Variants in VPS13C observed in about 807,000 individuals in gnomAD.
VPS13C encodes the protein vacuolar protein sorting 13 homolog C.
In VPS13C, 358 loss-of-function variants were observed where a neutral mutation model predicts 456.8. The observed-to-expected ratio is 0.78, with a 90% CI of 0.72 to 0.86. The LOEUF (loss-of-function observed/expected upper bound fraction) is 0.86. Ranked by LOEUF, VPS13C falls within the 40% of genes least tolerant of loss-of-function variation. The pLI is 0.00. For missense variants in VPS13C, 4,818 were observed against 4,385.4 expected, an observed-to-expected ratio of 1.10 and a Z score of -2.79; for synonymous variants, 1,578 against 1,486.7, an observed-to-expected ratio of 1.06 and a Z score of -1.41.
At chr15:61,945,284 ATAAG>A (rs1316680662) in intron 45 of VPS13C, among the ~76,000 whole-genome samples, 1 of 152,228 alleles carries the variant, frequency 6.6e-6, no homozygotes, top group Non-Finnish European at 1.5e-5. Flanking sequence ...TTACATGGAA[ATAAG>A]TAATAAAAAG....
rs1318377865 is a variant in VPS13C, at chr15:61,950,863, A to G, written c.4536+82T>C. On this transcript the variant is annotated intron_variant, in intron 40 of 84. Coordinates refer to ENST00000644861, the MANE Select transcript of VPS13C (RefSeq NM_020821.3). ...AGTTTAGGTAGAAAAATGTTGGGAG[A>G]GAAAATGAGAATATTAAATATAAGG... is the stretch of plus-strand genomic sequence containing the variant. 9 of 930,074 alleles carry G rather than the reference A, an allele frequency of 9.7e-6. No homozygotes were observed. In the East Asian group the frequency reaches 2.5e-4, roughly 26 times the overall value. The allele number at this position is 930,074 out of a possible 1,614,324, so 57.6% of individuals were successfully genotyped here.
In VPS13C at chr15:61,915,795, G is replaced by A. The variant is rs1167555404; in HGVS notation, c.8283C>T (p.Gly2761=). Residue 2761 remains glycine (G), a synonymous_variant, in exon 61 of 85, where the codon GGC becomes GGT. Transcript: ENST00000644861. ...TAAAGACAGACAGCACCATCCGGCT[G>A]CCAATTCTCCTGACGTGGACTGACA... ...VDLSVHVRRI[G]SRMVLSVFSP... The A allele has an allele frequency of 1.2e-6, 2 of 1,613,962 alleles. No individual in the cohort carries two copies. The highest frequency in any genetic ancestry group is 1.7e-6 in the Non-Finnish European group (2 of 1,180,030).
At chr15:62,037,520 TAATA>T (rs1299734967) in intron 3 of VPS13C, among the ~76,000 whole-genome samples, 1 of 132,384 alleles carries the variant, frequency 7.6e-6, no homozygotes, top group Non-Finnish European at 1.5e-5. Flanking sequence ...TGTAAGAATA[TAATA>T]AATAATGCAA....
chr15:61,964,577 A>T (rs1443893698), intron 31 of VPS13C, 122 bp downstream of exon 31: 3 of 940,394 alleles, frequency 3.2e-6, no homozygotes, highest in African/African-American at 1.7e-5. Context: ...CATATAATTT[A>T]ATTTGAAGAA....
intron 51 of VPS13C, among the ~76,000 whole-genome samples, chr15:61,928,613 A>G (rs1323374575): frequency 6.6e-6 from 1 of 152,186 alleles, no homozygotes; most frequent in African/African-American, 2.4e-5. Context: ...ATCTGGCAGG[A>G]GCAAGGTGTA....
chr15:62,042,180 G>A (rs1225488624), intron 2 of VPS13C, among the ~76,000 whole-genome samples: 2 of 152,110 alleles, frequency 1.3e-5, no homozygotes, highest in Admixed American at 1.3e-4. Flanking sequence ...GTTTAGATAA[G>A]TTACAGAGAG....
Position 61,921,984 on chromosome 15 carries a change from C to T in VPS13C, c.7025G>A (p.Arg2342Lys). ...ATTCCATTGTCTCTTCCCCTCCACT[C>T]TCTCAATCAGTGGCTCCCAGACAGC... ...IHAVWEPLIE[R>K]VEGKRQWNLR... Residue 2342 changes from arginine (R) to lysine (K), a missense_variant, in exon 55 of 85, where the codon AGA (arginine) becomes AAA (lysine). Arg to Lys is a conservative substitution (Grantham distance 26). Coordinates refer to ENST00000644861, the MANE Select transcript of VPS13C (RefSeq NM_020821.3). The T allele has an allele frequency of 6.2e-7, 1 of 1,613,658 alleles. No individual in the cohort carries two copies. Among genetic ancestry groups the T allele is most frequent in the Non-Finnish European group, 8.5e-7 (1 of 1,179,684 alleles).
intron 66 of VPS13C, chr15:61,906,945 T>C: frequency 7.3e-6 from 2 of 274,938 alleles, no homozygotes; most frequent in South Asian, 8.5e-5. Flanking sequence ...GGCATAGGTA[T>C]GTTCAAAATA....
Position 61,924,022 on chromosome 15 carries a change from C to T in VPS13C, c.6610-1260G>A, listed in dbSNP as rs749824777. 4.1e-4 allele frequency among the ~76,000 whole-genome samples: 62 copies of T among 150,678 alleles called. 1 individual carries two copies. The Middle Eastern group carries it at 0.017, about 41-fold the overall frequency. ...CTGGGACTACAGGCGCCCGCCACTACGCCCGGCTAATTTTTTGTATTTTTT... is the reference window on the plus strand; with the variant it reads ...CTGGGACTACAGGCGCCCGCCACTATGCCCGGCTAATTTTTTGTATTTTTT... On this transcript the variant is annotated intron_variant, in intron 53 of 84. Coordinates refer to ENST00000644861, the MANE Select transcript of VPS13C (RefSeq NM_020821.3).
chr15:61,994,405 T>C (rs909681932), intron 16 of VPS13C, among the ~76,000 whole-genome samples: 11 of 152,168 alleles, frequency 7.2e-5, no homozygotes, highest in Non-Finnish European at 1.5e-4. Flanking sequence ...AAATACCTTT[T>C]AAAATATTCA....
intron 6 of VPS13C, among the ~76,000 whole-genome samples, chr15:62,024,249 A>G: frequency 6.6e-6 from 1 of 152,092 alleles, no homozygotes; most frequent in East Asian, 1.9e-4. Context: ...TATGGTAGGA[A>G]CATAGGCATA....
intron 66 of VPS13C, among the ~76,000 whole-genome samples, chr15:61,903,115 C>A (rs1325447924): frequency 6.6e-6 from 1 of 151,914 alleles, no homozygotes; most frequent in African/African-American, 2.4e-5. Flanking sequence ...CGCTTGACCT[C>A]AGGAATTTGA....
chr15:61,951,269 T>A (rs2044782326), intron 39 of VPS13C, among the ~76,000 whole-genome samples: 1 of 152,106 alleles, frequency 6.6e-6, no homozygotes, highest in Non-Finnish European at 1.5e-5. Flanking sequence ...ATGGTACTAC[T>A]GTATTACTCT....
chr15:61,854,937 G>A lies in VPS13C; in HGVS notation c.11094C>T (p.His3698=). Residue 3698 remains histidine (H), a synonymous_variant, in exon 84 of 85, where the codon CAC becomes CAT. Transcript: ENST00000644861. ...AGCCTTGATTGGCACTGTCTTTTTT[G>A]TGGAACAGACCCTGTTCCTGTTTCA... is the stretch of plus-strand genomic sequence containing the variant. ...KISVKEQGLF[H]KKDSANQGCV... The A allele has an allele frequency of 1.2e-6, 2 of 1,612,226 alleles. No homozygotes were observed. The highest frequency in any genetic ancestry group is 1.7e-6 in the Non-Finnish European group (2 of 1,179,470).
rs534992926 is a variant in VPS13C at position 62,008,206 on chromosome 15, G to A, written c.1118+449C>T. ...AGATCGCGTCACCGCACCCCAGCCT[G>A]GGTGACAGAGCAAGACTCTGTCTCA... On this transcript the variant is annotated intron_variant, in intron 14 of 84. Transcript: ENST00000644861. Among the ~76,000 whole-genome samples the A allele has an allele frequency of 9.9e-5, 15 of 152,128 alleles. No individual in the cohort carries two copies. In the South Asian group the frequency reaches 3.1e-3, roughly 32 times the overall value.
chr15:62,036,754 C>T (rs2048012517), intron 3 of VPS13C, among the ~76,000 whole-genome samples: 1 of 151,894 alleles, frequency 6.6e-6, no homozygotes, highest in Non-Finnish European at 1.5e-5. Flanking sequence ...TACTAATTAT[C>T]CCCCAATCTC....
At chr15:61,958,863 T>C (rs1006568532) in intron 36 of VPS13C, 147 bp from the exon 37 acceptor site, 1 of 464,332 alleles carries the variant, frequency 2.2e-6, no homozygotes, top group Non-Finnish European at 3.7e-6. Context: ...CTCACTTAAG[T>C]ATTGCACTAC....
chr15:62,007,158 A>G, intron 15 of VPS13C, 150 bp downstream of exon 15: 2 of 730,020 alleles, frequency 2.7e-6, no homozygotes, highest in Non-Finnish European at 3.8e-6. Flanking sequence ...ACTGGAAAAA[A>G]AAAATTCTGC....
rs2045721195 is a variant in VPS13C at position 61,976,991 on chromosome 15, G to A, written c.2408+91C>T. ...ATAATCATTTTTGCTGTCTCCCACA[G>A]AAATCTATCTTTGCTTCCTTAAATT... On this transcript the variant is annotated intron_variant, in intron 24 of 84. Transcript: ENST00000644861. 3.3e-6 allele frequency: 3 copies of A among 898,868 alleles called. No individual in the cohort carries two copies. In the East Asian group the frequency reaches 8.3e-5, roughly 25 times the overall value. The allele number at this position is 898,868 out of a possible 1,614,324, so 55.7% of individuals were successfully genotyped here. A position where few individuals can be genotyped will look rare whatever the true frequency, so the allele number is the denominator to read the frequency against.
Sources: allele counts gnomAD v4.1 joint callset (sites outside exome capture counted in the v4.1 genomes callset), GRCh38; gene constraint gnomAD v4.1.1; transcripts MANE v1.5; gene names NCBI Gene and HGNC (gene_info 2026-07-23, HGNC 2026-07-21).